VPS13B: variants seen among roughly 807,000 people sequenced by gnomAD.
The protein encoded by VPS13B is intermembrane lipid transfer protein VPS13B.
Under a neutral mutation model 426.4 loss-of-function variants are expected in VPS13B, and 285 were observed. The ratio of observed to expected loss-of-function variants is 0.67; its 90% CI spans 0.61 to 0.74. The LOEUF (loss-of-function observed/expected upper bound fraction) is 0.74. Among genes scored for constraint, VPS13B ranks in the 30% least tolerant of loss-of-function variants. The pLI, the probability that VPS13B is intolerant of heterozygous loss-of-function variation, is 0.00. For synonymous variants in VPS13B, 1,676 were observed against 1,676.4 expected (o/e 1.00, Z 0.01); for missense variants, 4,537 against 4,782.6 (o/e 0.95, Z 1.51).
chr8:99,222,628 C>T (rs888654679), intron 17 of VPS13B, among the ~76,000 whole-genome samples: 36 of 152,122 alleles, frequency 2.4e-4, no homozygotes, highest in South Asian at 2.1e-4. Context: ...TTTAAAAACT[C>T]GAACAGGATG....
intron 19 of VPS13B, among the ~76,000 whole-genome samples, chr8:99,276,562 C>T (rs1490758429): frequency 6.6e-6 from 1 of 152,076 alleles, no homozygotes; most frequent in Non-Finnish European, 1.5e-5. Context: ...ACAAAAATAG[C>T]TACAGACAAA....
At chr8:99,554,144 T>C (rs1824423086) in intron 30 of VPS13B, among the ~76,000 whole-genome samples, 1 of 152,130 alleles carries the variant, frequency 6.6e-6, no homozygotes, top group Admixed American at 6.6e-5. Context: ...TCAAGGGAAA[T>C]AGGAAATCGG....
intron 19 of VPS13B, among the ~76,000 whole-genome samples, chr8:99,310,327 A>G (rs903578919): frequency 5.9e-5 from 9 of 152,140 alleles, no homozygotes; most frequent in African/African-American, 9.7e-5. Context: ...ATTTGTCATA[A>G]ATAGCTGTTA....
intron 22 of VPS13B, among the ~76,000 whole-genome samples, chr8:99,437,908 G>A (rs563649627): frequency 6.6e-6 from 1 of 151,968 alleles, no homozygotes; most frequent in East Asian, 1.9e-4. Context: ...GAAATGTGCT[G>A]GCTAGAATTT....
chr8:99,329,765 T>C (rs959940060), intron 19 of VPS13B, among the ~76,000 whole-genome samples: 10 of 152,054 alleles, frequency 6.6e-5, no homozygotes, highest in Admixed American at 6.6e-4. Flanking sequence ...TCTTGACAGA[T>C]TCTAGTAACA....
intron 39 of VPS13B, among the ~76,000 whole-genome samples, chr8:99,722,852 A>G (rs1588656372): frequency 6.6e-6 from 1 of 152,232 alleles, no homozygotes; most frequent in Non-Finnish European, 1.5e-5. Flanking sequence ...GAATATCTGT[A>G]GATTTTCAAT....
intron 3 of VPS13B, among the ~76,000 whole-genome samples, chr8:99,094,387 T>C (rs1432788610): frequency 1.3e-5 from 2 of 152,218 alleles, no homozygotes; most frequent in Non-Finnish European, 2.9e-5. Flanking sequence ...TTCACAGTAG[T>C]AGTCTTTTAG....
At chr8:99,268,805 C>G (rs1284562802) in intron 17 of VPS13B, among the ~76,000 whole-genome samples, 8 of 151,788 alleles carry the variant, frequency 5.3e-5, no homozygotes, top group Non-Finnish European at 1.0e-4. Context: ...TTTGGGGGGG[C>G]CAGGGTAGAA....
chr8:99,096,541 AG>A, intron 4 of VPS13B, 109 bp downstream of exon 4: 1 of 1,488,994 alleles, frequency 6.7e-7, no homozygotes, highest in South Asian at 1.2e-5. Context: ...GGATTACTTG[AG>A]GTCAGGAGTT....
chr8:99,116,373 AT>A (rs1451789213), intron 7 of VPS13B, among the ~76,000 whole-genome samples: 1 of 151,506 alleles, frequency 6.6e-6, no homozygotes, highest in East Asian at 1.9e-4. Flanking sequence ...TAACATTCTG[AT>A]TTTCTCCTAT....
chr8:99,351,174 A>C (rs1001287190), intron 19 of VPS13B, among the ~76,000 whole-genome samples: 2 of 152,168 alleles, frequency 1.3e-5, no homozygotes, highest in Non-Finnish European at 2.9e-5. Context: ...ATCAGTACCT[A>C]AATGTATCTT....
At chr8:99,826,997 T>G (rs1407197872) in intron 51 of VPS13B, among the ~76,000 whole-genome samples, 1 of 152,202 alleles carries the variant, frequency 6.6e-6, no homozygotes, top group Non-Finnish European at 1.5e-5. Context: ...CATTTTCGCA[T>G]CAGTGTTCAT....
intron 54 of VPS13B, among the ~76,000 whole-genome samples, chr8:99,837,074 C>T (rs1300021215): frequency 6.6e-6 from 1 of 152,190 alleles, no homozygotes; most frequent in Admixed American, 6.5e-5. Context: ...TTTCTCATCT[C>T]TCAAGATTTC....
At chr8:99,224,501 A>G (rs1305397708) in intron 17 of VPS13B, among the ~76,000 whole-genome samples, 2 of 152,200 alleles carry the variant, frequency 1.3e-5, no homozygotes, top group Non-Finnish European at 1.5e-5. Context: ...TTAGGATTGA[A>G]TAATGGGTTT....
intron 3 of VPS13B, among the ~76,000 whole-genome samples, chr8:99,048,919 C>G (rs1587961900): frequency 6.6e-6 from 1 of 152,006 alleles, no homozygotes; most frequent in Non-Finnish European, 1.5e-5. Context: ...TATAATGTCC[C>G]TCTTTGTCTT....
chr8:99,157,034 T>C (rs1028291581), intron 15 of VPS13B, among the ~76,000 whole-genome samples: 3 of 152,212 alleles, frequency 2.0e-5, no homozygotes, highest in Non-Finnish European at 2.9e-5. Flanking sequence ...TTATAAGCAA[T>C]GTGAAAGAGC....
At chr8:99,500,201 T>A (rs1377670493) in intron 25 of VPS13B, among the ~76,000 whole-genome samples, 1 of 152,160 alleles carries the variant, frequency 6.6e-6, no homozygotes, top group East Asian at 1.9e-4. Context: ...GGGTATTTTG[T>A]TCTGACAGTT....
At chr8:99,400,173 C>T (rs1031975390) in intron 21 of VPS13B, among the ~76,000 whole-genome samples, 4 of 152,132 alleles carry the variant, frequency 2.6e-5, no homozygotes, top group African/African-American at 9.7e-5. Flanking sequence ...CTTCTGTACC[C>T]TATTGGAGTT....
intron 39 of VPS13B, among the ~76,000 whole-genome samples, chr8:99,735,918 G>T (rs1011859198): frequency 5.3e-5 from 8 of 152,214 alleles, no homozygotes; most frequent in African/African-American, 1.7e-4. Flanking sequence ...TTAGTTGCCA[G>T]AGCACCATGT....
Sources: allele counts gnomAD v4.1 joint callset (sites outside exome capture counted in the v4.1 genomes callset), GRCh38; gene constraint gnomAD v4.1.1; transcripts MANE v1.5; gene names NCBI Gene and HGNC (gene_info 2026-07-23, HGNC 2026-07-21).